The following ADGB variants were observed in gnomAD, a reference collection of about 807,000 sequenced individuals.
ADGB encodes the protein calpain-7-like protein.
In ADGB, 172 loss-of-function variants were observed where a neutral mutation model predicts 210.5. That is an observed-to-expected ratio of 0.82 (90% CI 0.72 to 0.93). ADGB has a LOEUF of 0.93. ADGB is among the 40% of genes least tolerant of loss of function. The probability of loss-of-function intolerance (pLI) is 0.00; values close to 1 mark genes in which losing one functional copy is unlikely to be tolerated. For missense variants in ADGB, 2,025 were observed against 1,964.8 expected (o/e 1.03, Z -0.58); for synonymous variants, 658 against 662.7 (o/e 0.99, Z 0.11).
chr6:146,717,580 T>G lies in ADGB; in HGVS notation c.1973T>G (p.Phe658Cys). ...AAGCCAAGTTCATATTGCCTTAACT[T>G]TCAAAAATCAGAATTTAAGGTAAGT... ...FHKPSSYCLN[F>C]QKSEFKFSEE... is the part of the protein sequence containing the mutation. The change falls in exon 16 of 36, where the codon TTT becomes TGT. Residue 658 changes from phenylalanine (F) to cysteine (C), a missense_variant. Coordinates refer to ENST00000397944, the MANE Select transcript of ADGB (RefSeq NM_024694.4). The G allele has an allele frequency of 7.1e-7, 1 of 1,410,292 alleles. No individual in the cohort carries two copies. Among genetic ancestry groups the G allele is most frequent in the South Asian group, 1.4e-5 (1 of 74,026 alleles). The allele number at this position is 1,410,292 out of a possible 1,614,324, so 87.4% of individuals were successfully genotyped here.
chr6:146,785,158 A>C (rs536178801), intron 31 of ADGB, among the ~76,000 whole-genome samples: 59 of 152,278 alleles, frequency 3.9e-4, no homozygotes, highest in Non-Finnish European at 4.3e-4. Context: ...GCGCAGCCTT[A>C]GATGGATTAA....
intron 6 of ADGB, among the ~76,000 whole-genome samples, chr6:146,665,721 C>T (rs1244986991): frequency 1.3e-5 from 2 of 151,994 alleles, no homozygotes; most frequent in African/African-American, 4.8e-5. Context: ...AAGTGTAATA[C>T]ATTTCTTGGG....
chr6:146,767,180 C>T (rs1319146716), intron 28 of ADGB, among the ~76,000 whole-genome samples: 1 of 152,112 alleles, frequency 6.6e-6, no homozygotes, highest in Non-Finnish European at 1.5e-5. Flanking sequence ...GAAAAGAATG[C>T]TTGCTATAAT....
At chr6:146,768,437 T>C (rs919231418) in intron 28 of ADGB, among the ~76,000 whole-genome samples, 2 of 152,130 alleles carry the variant, frequency 1.3e-5, no homozygotes, top group East Asian at 3.9e-4. Context: ...CATATTTTTA[T>C]GAAAATTTCA....
At chr6:146,749,958 C>T (rs1025461895) in intron 26 of ADGB, among the ~76,000 whole-genome samples, 1 of 152,102 alleles carries the variant, frequency 6.6e-6, no homozygotes, top group Non-Finnish European at 1.5e-5. Flanking sequence ...CCAGGCTGCT[C>T]CTCCAACCCT....
chr6:146,743,761 A>G (rs1157127429), intron 25 of ADGB, among the ~76,000 whole-genome samples: 4 of 152,146 alleles, frequency 2.6e-5, no homozygotes, highest in Non-Finnish European at 5.9e-5. Flanking sequence ...TAATAATACA[A>G]AAATTAGCCA....
At chr6:146,809,724 C>G (rs554413715) in intron 35 of ADGB, among the ~76,000 whole-genome samples, 6 of 152,038 alleles carry the variant, frequency 3.9e-5, no homozygotes, top group African/African-American at 1.2e-4. Context: ...GAAAGAAAAT[C>G]GTTTCAAAAA....
At chr6:146,803,460 A>G (rs1778162110) in intron 35 of ADGB, 1 of 1,606,550 alleles carries the variant, frequency 6.2e-7, no homozygotes, top group South Asian at 1.1e-5. Context: ...TTTTTCTGTA[A>G]CAAAGATTTG....
chr6:146,657,051 G>A (rs1562266507), intron 5 of ADGB, 71 bp downstream of exon 5: 1 of 1,323,048 alleles, frequency 7.6e-7, no homozygotes, highest in South Asian at 1.4e-5. Flanking sequence ...CTGGCATGGT[G>A]GCTCATGCCT....
At chr6:146,636,723 A>G (rs1233638357) in intron 2 of ADGB, among the ~76,000 whole-genome samples, 1 of 151,962 alleles carries the variant, frequency 6.6e-6, no homozygotes, top group Non-Finnish European at 1.5e-5. Flanking sequence ...TTGAAGTAGC[A>G]GCTCCTTCAC....
intron 29 of ADGB, among the ~76,000 whole-genome samples, chr6:146,780,456 A>G (rs1777783214): frequency 6.6e-6 from 1 of 152,180 alleles, no homozygotes; most frequent in Non-Finnish European, 1.5e-5. Flanking sequence ...TCTGTAAACA[A>G]CATAGTTTCA....
intron 13 of ADGB, among the ~76,000 whole-genome samples, chr6:146,709,976 T>C (rs1202164832): frequency 6.6e-6 from 1 of 152,098 alleles, no homozygotes; most frequent in African/African-American, 2.4e-5. Context: ...CAGGAAAGTC[T>C]TGTTCTTCCA....
intron 32 of ADGB, among the ~76,000 whole-genome samples, chr6:146,787,685 TC>T (rs1211393602): frequency 6.7e-6 from 1 of 148,426 alleles, no homozygotes; most frequent in Non-Finnish European, 1.5e-5. Flanking sequence ...TTTCAACATT[TC>T]TTCATGCTCT....
chr6:146,790,996 A>G (rs1191643945), intron 33 of ADGB, among the ~76,000 whole-genome samples: 2 of 152,148 alleles, frequency 1.3e-5, no homozygotes, highest in African/African-American at 4.8e-5. Flanking sequence ...TCTTCTTTTG[A>G]GTAATATCTA....
intron 26 of ADGB, among the ~76,000 whole-genome samples, chr6:146,750,538 AC>A (rs1484155244): frequency 6.6e-6 from 1 of 151,974 alleles, no homozygotes; most frequent in African/African-American, 2.4e-5. Context: ...GCCTGTGTGA[AC>A]TTTTCCATAT....
At position 146,741,156 on chromosome 6, in the gene ADGB, C is replaced by T; in HGVS notation, c.3062C>T (p.Pro1021Leu). Residue 1021 changes from proline (P) to leucine (L), a missense_variant, in exon 25 of 36, where the codon CCC (proline) becomes CTC (leucine). Transcript: ENST00000397944. ...GTTCATCAAGACATGATTTTGGTTCCCAAAGTATATACTACACTTCCAATC... is the reference window on the plus strand; with the variant it reads ...GTTCATCAAGACATGATTTTGGTTCTCAAAGTATATACTACACTTCCAATC... ...FLVHQDMILV[P>L]KVYTTLPICI... is the part of the protein sequence containing the mutation. 1 of 1,535,380 alleles carries T rather than the reference C, an allele frequency of 6.5e-7. No individual in the cohort carries two copies. The highest frequency in any genetic ancestry group is 2.5e-5 in the East Asian group (1 of 39,758).
chr6:146,679,998 CA>C (rs1417110514), intron 9 of ADGB, among the ~76,000 whole-genome samples: 24 of 151,948 alleles, frequency 1.6e-4, no homozygotes, highest in Admixed American at 3.3e-4. Flanking sequence ...AAAATTGTTT[CA>C]AAAAAGCAAA....
At chr6:146,665,413 A>T (rs1160126818) in intron 6 of ADGB, among the ~76,000 whole-genome samples, 2 of 152,074 alleles carry the variant, frequency 1.3e-5, no homozygotes, top group South Asian at 4.1e-4. Flanking sequence ...AATGATTTTC[A>T]TAAAAACTCA....
chr6:146,716,245 A>C (rs923870793), intron 14 of ADGB, among the ~76,000 whole-genome samples: 2 of 152,102 alleles, frequency 1.3e-5, no homozygotes, highest in Non-Finnish European at 2.9e-5. Flanking sequence ...CATCTAGAGC[A>C]GATTTTCAGT....
Sources: allele counts gnomAD v4.1 joint callset (sites outside exome capture counted in the v4.1 genomes callset), GRCh38; gene constraint gnomAD v4.1.1; transcripts MANE v1.5; gene names NCBI Gene and HGNC (gene_info 2026-07-23, HGNC 2026-07-21).